ZSCAN29: variants seen among roughly 807,000 people sequenced by gnomAD.
ZSCAN29 encodes the protein zinc finger and SCAN domain-containing protein 29.
Under a neutral mutation model 71.9 loss-of-function variants are expected in ZSCAN29, and 55 were observed. That is an observed-to-expected ratio of 0.76 (90% confidence interval 0.62 to 0.96). ZSCAN29 has a LOEUF of 0.96. Among genes scored for constraint, ZSCAN29 ranks in the 40% least tolerant of loss-of-function variants. ZSCAN29 has a pLI of 0.00. For synonymous variants in ZSCAN29, 351 were observed against 371.6 expected (o/e 0.94, Z 0.64); for missense variants, 1,042 against 1,042.2 (o/e 1.00, Z 0.00).
rs1334255616 is a variant in ZSCAN29, at chr15:43,363,825, G to T, written c.1690+90C>A. The T allele has an allele frequency of 3.9e-6, 5 of 1,271,364 alleles. No individual in the cohort carries two copies. The Admixed American group carries it at 8.0e-5, about 20-fold the overall frequency. The allele number at this position is 1,271,364 out of a possible 1,614,324, so 78.8% of individuals were successfully genotyped here. ...CAAGAAGAATCCATGAAAGCTGGGT[G>T]TAGAGGCCAGTTCTCAATCAGATGA... is the stretch of plus-strand genomic sequence containing the variant. On this transcript the variant is annotated intron_variant, in intron 5 of 5. Coordinates refer to ENST00000684362, the MANE Select transcript of ZSCAN29 (RefSeq NM_001372080.1).
chr15:43,360,930 A>G lies in ZSCAN29; in HGVS notation c.*143T>C. On this transcript the variant is annotated 3_prime_UTR_variant, in exon 6 of 6. Transcript: ENST00000684362. ...TGGGGATTTGAGTCTAGATCAGGAA[A>G]AACAAGGAACAAACAGTGGCATAAA... is the stretch of plus-strand genomic sequence containing the variant. 2 of 1,199,852 alleles carry G rather than the reference A, an allele frequency of 1.7e-6. No homozygotes were observed. The highest frequency in any genetic ancestry group is 2.3e-6 in the Non-Finnish European group (2 of 863,872). The allele number at this position is 1,199,852 out of a possible 1,614,324, so 74.3% of individuals were successfully genotyped here.
intron 3 of ZSCAN29, among the ~76,000 whole-genome samples, chr15:43,368,119 A>T (rs2044057554): frequency 6.6e-6 from 1 of 152,246 alleles, no homozygotes; most frequent in Admixed American, 6.5e-5. Flanking sequence ...ATTCTTACTT[A>T]GCTTCTAACA....
chr15:43,366,700 A>C lies in ZSCAN29; in HGVS notation c.632T>G (p.Ile211Arg). 2 of 1,614,196 alleles carry C rather than the reference A, an allele frequency of 1.2e-6. No homozygotes were observed. The highest frequency in any genetic ancestry group is 1.7e-6 in the Non-Finnish European group (2 of 1,180,010). Residue 211 changes from isoleucine to arginine, a missense_variant, in exon 4 of 6, where the codon ATA becomes AGA. By Grantham distance (97) the Ile-to-Arg change is moderately conservative. Coordinates refer to ENST00000684362, the MANE Select transcript of ZSCAN29 (RefSeq NM_001372080.1). The stretch of plus-strand genomic sequence containing the variant: ...ATCAGCATGCACTCGTCTGTCTCCT[A>C]TGTGGCTGCCACTTGGAAGTTCTTT... ...KEKELPSGSH[I>R]GDRRVHADLL... is the part of the protein sequence containing the mutation.
intron 3 of ZSCAN29, among the ~76,000 whole-genome samples, chr15:43,367,613 A>G (rs949876960): frequency 2.0e-5 from 3 of 152,192 alleles, no homozygotes; most frequent in Middle Eastern, 3.2e-3. Flanking sequence ...ATTGTCTGGC[A>G]CTGTTTCAGT....
In ZSCAN29 at chr15:43,366,168, T is replaced by C; in HGVS notation, c.1164A>G (p.Leu388=). 6.2e-7 allele frequency: 1 copy of C among 1,614,160 alleles called. No individual in the cohort carries two copies. The highest frequency in any genetic ancestry group is 1.3e-5 in the African/African-American group (1 of 75,038). The change falls in exon 4 of 6, where the codon CTA becomes CTG. Residue 388 remains leucine, a synonymous_variant. Coordinates refer to ENST00000684362, the MANE Select transcript of ZSCAN29 (RefSeq NM_001372080.1). ...AGTTGGGGTCCTGGGGGGTCGCCTCTAGATCCATGTCATCACTGTCAGACT... is the reference window on the plus strand; with the variant it reads ...AGTTGGGGTCCTGGGGGGTCGCCTCCAGATCCATGTCATCACTGTCAGACT... ...AQESDSDDMD[L]EATPQDPNSA...
At chr15:43,367,505 G>C (rs2044051220) in intron 3 of ZSCAN29, among the ~76,000 whole-genome samples, 1 of 152,136 alleles carries the variant, frequency 6.6e-6, no homozygotes, top group South Asian at 2.1e-4. Context: ...TCCTTCAAGA[G>C]GCTGTATTTG....
At position 43,360,738 on chromosome 15, in the gene ZSCAN29, A is replaced by C. The variant is rs1051903368; in HGVS notation, c.*335T>G. 4.6e-6 allele frequency: 1 copy of C among 216,990 alleles called. No homozygotes were observed. Among genetic ancestry groups the C allele is most frequent in the African/African-American group, 2.3e-5 (1 of 43,870 alleles). 13.4% of individuals were successfully genotyped at this position (216,990 alleles called of 1,614,324 possible). A position where few individuals can be genotyped will look rare whatever the true frequency, so the allele number is the denominator to read the frequency against. ...CTGTCAAAATGCAGCTGAATGACAG[A>C]ATGAGTAAAGAAGGATGCTTATCAA... is the stretch of plus-strand genomic sequence containing the variant. On this transcript the variant is annotated 3_prime_UTR_variant, in exon 6 of 6. Transcript: ENST00000684362.
chr15:43,359,019 C>T lies in ZSCAN29; in HGVS notation c.*2054G>A, dbSNP rs1184359164. ...TGCCCTTTGTTCCATCTACACAAAA[C>T]ACCTTGCTCCCCCTTTTTCCCATTC... On this transcript the variant is annotated 3_prime_UTR_variant, in exon 6 of 6. Coordinates refer to ENST00000684362, the MANE Select transcript of ZSCAN29 (RefSeq NM_001372080.1). The T allele has an allele frequency of 6.6e-6, 1 of 152,248 alleles. No individual in the cohort carries two copies. The highest frequency in any genetic ancestry group is 1.5e-5 in the Non-Finnish European group (1 of 68,058). 9.4% of individuals were successfully genotyped at this position (152,248 alleles called of 1,614,324 possible). A position where few individuals can be genotyped will look rare whatever the true frequency, so the allele number is the denominator to read the frequency against.
chr15:43,361,057 A>G lies in ZSCAN29; in HGVS notation c.*16T>C. The G allele has an allele frequency of 1.3e-6, 2 of 1,562,882 alleles. No individual in the cohort carries two copies. Among genetic ancestry groups the G allele is most frequent in the Non-Finnish European group, 1.7e-6 (2 of 1,154,340 alleles). On this transcript the variant is annotated 3_prime_UTR_variant, in exon 6 of 6. Transcript: ENST00000684362. Reference sequence around the variant, plus strand: ...TACATTTATTGAGCCTCTTTCCGTTATATATCCTCAGGGGCTTACTTGGGA... The same window carrying G: ...TACATTTATTGAGCCTCTTTCCGTTGTATATCCTCAGGGGCTTACTTGGGA...
intron 5 of ZSCAN29, among the ~76,000 whole-genome samples, chr15:43,363,179 G>A (rs938930083): frequency 1.3e-5 from 2 of 152,024 alleles, no homozygotes; most frequent in African/African-American, 2.4e-5. Flanking sequence ...GGGTTTCGCC[G>A]TGTTGGTCAG....
At position 43,364,011 on chromosome 15, in the gene ZSCAN29, C is replaced by T; in HGVS notation, c.1594G>A (p.Ala532Thr). The T allele has an allele frequency of 6.2e-7, 1 of 1,614,188 alleles. No homozygotes were observed. Among genetic ancestry groups the T allele is most frequent in the South Asian group, 1.1e-5 (1 of 91,078 alleles). Residue 532 changes from alanine to threonine, a missense_variant, in exon 5 of 6, where the codon GCC (alanine) becomes ACC (threonine). Transcript: ENST00000684362. ...AQKQAEEADE[A>T]TEEDSDDDEE... ...TCATCATCAGAATCTTCCTCTGTGG[C>T]CTCGTCTGCTTCCTCAGCTTGCTTC...
intron 4 of ZSCAN29, among the ~76,000 whole-genome samples, chr15:43,365,179 C>T (rs950593120): frequency 1.3e-5 from 2 of 152,072 alleles, no homozygotes; most frequent in Non-Finnish European, 2.9e-5. Context: ...CCTGCTTTGC[C>T]CCATTTTACA....
chr15:43,369,127 C>T lies in ZSCAN29; in HGVS notation c.319G>A (p.Val107Ile), dbSNP rs748044714. 6.5e-7 allele frequency: 1 copy of T among 1,549,824 alleles called. No individual in the cohort carries two copies. Among genetic ancestry groups the T allele is most frequent in the Admixed American group, 1.9e-5 (1 of 52,018 alleles). Reference protein sequence around the residue: ...EREPGRPRSSVTVSVKGQEVR... With the variant: ...EREPGRPRSSITVSVKGQEVR... ...TCCTGCCCCTTCACAGAGACTGTGA[C>T]CTAGAAACAACCCCCGTTAATTGTC... The change falls in exon 3 of 6, where the codon GTC (valine) becomes ATC (isoleucine). Residue 107 changes from valine (V) to isoleucine (I), a missense_variant and splice_region_variant. Coordinates refer to ENST00000684362, the MANE Select transcript of ZSCAN29 (RefSeq NM_001372080.1).
rs2043985129 is a variant in ZSCAN29 at position 43,361,821 on chromosome 15, C to T, written c.1811G>A (p.Gly604Asp). 6.2e-7 allele frequency: 1 copy of T among 1,614,178 alleles called. No homozygotes were observed. Among genetic ancestry groups the T allele is most frequent in the Non-Finnish European group, 8.5e-7 (1 of 1,180,032 alleles). The change falls in exon 6 of 6, where the codon GGT (glycine) becomes GAT (aspartate). Residue 604 changes from glycine to aspartate, a missense_variant. By Grantham distance (94) the Gly-to-Asp change is moderately conservative (BLOSUM62 -1). Transcript: ENST00000684362. The part of the protein sequence containing the change: ...ERKIPRYLHQ[G>D]KGNESDCRSG... ...TCTACAGTCACTCTCATTGCCTTTA[C>T]CCTGATGAAGATACCGGGGAATTTT... is the stretch of plus-strand genomic sequence containing the variant.
At position 43,370,031 on chromosome 15, in the gene ZSCAN29, G is replaced by A; in HGVS notation, c.-112-6C>T. The A allele has an allele frequency of 2.8e-6, 3 of 1,074,380 alleles. No individual in the cohort carries two copies. Among genetic ancestry groups the A allele is most frequent in the Non-Finnish European group, 4.0e-6 (3 of 757,218 alleles). 66.6% of individuals were successfully genotyped at this position (1,074,380 alleles called of 1,614,324 possible). On this transcript the variant is annotated splice_polypyrimidine_tract_variant and splice_region_variant and intron_variant, in intron 1 of 5. Coordinates refer to ENST00000684362, the MANE Select transcript of ZSCAN29 (RefSeq NM_001372080.1). ...ACTGTAAGAGGTGTTTCTTCCTAGG[G>A]CAGAGAAAGATGGCACTATCAGAAG... is the stretch of plus-strand genomic sequence containing the variant.
chr15:43,365,274 C>T (rs943151191), intron 4 of ZSCAN29, among the ~76,000 whole-genome samples: 2 of 152,172 alleles, frequency 1.3e-5, no homozygotes, highest in Non-Finnish European at 2.9e-5. Flanking sequence ...AGAATCTAAG[C>T]CTCCTGAGTC....
chr15:43,360,421 A>C lies in ZSCAN29; in HGVS notation c.*652T>G, dbSNP rs1286962670. ...GAGGCCGAGGCAGGCAGATCACCTG[A>C]GGTCGGGAGTTTGAGACCAGCCTGC... is the stretch of plus-strand genomic sequence containing the variant. On this transcript the variant is annotated 3_prime_UTR_variant, in exon 6 of 6. Transcript: ENST00000684362. 1.3e-5 allele frequency: 2 copies of C among 152,076 alleles called. No homozygotes were observed. The highest frequency in any genetic ancestry group is 1.9e-4 in the East Asian group (1 of 5,186). 9.4% of individuals were successfully genotyped at this position (152,076 alleles called of 1,614,324 possible).
chr15:43,370,171 T>C (rs1278309799), intron 1 of ZSCAN29, 146 bp from the exon 2 acceptor site: 2 of 444,356 alleles, frequency 4.5e-6, no homozygotes, highest in Non-Finnish European at 8.0e-6. Flanking sequence ...AAACTGCTTT[T>C]CTGGTTGACT....
chr15:43,368,618 A>G (rs1199802541), intron 3 of ZSCAN29, among the ~76,000 whole-genome samples: 1 of 152,090 alleles, frequency 6.6e-6, no homozygotes, highest in Non-Finnish European at 1.5e-5. Flanking sequence ...GAAGATGGAA[A>G]ACAACCAAAA....
Sources: allele counts gnomAD v4.1 joint callset (sites outside exome capture counted in the v4.1 genomes callset), GRCh38; gene constraint gnomAD v4.1.1; transcripts MANE v1.5; gene names NCBI Gene and HGNC (gene_info 2026-07-23, HGNC 2026-07-21).